The following KCNH1 variants were observed in gnomAD, a reference collection of about 807,000 sequenced individuals.
KCNH1 encodes voltage-gated delayed rectifier potassium channel KCNH1.
Under a neutral mutation model 69.2 loss-of-function variants are expected in KCNH1, and 27 were observed. The ratio of observed to expected loss-of-function variants is 0.39; its 90% CI spans 0.29 to 0.54. KCNH1 has a LOEUF of 0.54. Among genes scored for constraint, KCNH1 ranks in the 20% least tolerant of loss-of-function variants. The pLI is 0.68. For synonymous variants in KCNH1, 456 were observed against 487.7 expected (o/e 0.93, Z 0.86); for missense variants, 798 against 1,261.6 (o/e 0.63, Z 5.57).
At chr1:211,012,111 G>A (rs1034282705) in intron 6 of KCNH1, among the ~76,000 whole-genome samples, 1 of 152,202 alleles carries the variant, frequency 6.6e-6, no homozygotes, top group African/African-American at 2.4e-5. Context: ...TAATTGGATA[G>A]AAGAAATACT....
At chr1:210,710,483 A>G (rs1025901490) in intron 10 of KCNH1, among the ~76,000 whole-genome samples, 1 of 152,188 alleles carries the variant, frequency 6.6e-6, no homozygotes, top group Non-Finnish European at 1.5e-5. Context: ...TTTTATATAT[A>G]CATATATAAA....
At chr1:211,036,823 T>A (rs1211863564) in intron 5 of KCNH1, among the ~76,000 whole-genome samples, 1 of 152,134 alleles carries the variant, frequency 6.6e-6, no homozygotes, top group African/African-American at 2.4e-5. Flanking sequence ...TAGGAGAGGC[T>A]TGTGTCTGTC....
intron 5 of KCNH1, among the ~76,000 whole-genome samples, chr1:211,024,998 C>T (rs1689660130): frequency 6.6e-6 from 1 of 152,180 alleles, no homozygotes; most frequent in African/African-American, 2.4e-5. Flanking sequence ...TGTTCCACAT[C>T]ACGGTTACAT....
In KCNH1 at chr1:210,925,484, G is replaced by A. The variant is rs147002401; in HGVS notation, c.1033-5415C>T. Among the ~76,000 whole-genome samples, 322 of 152,330 alleles carry A rather than the reference G, an allele frequency of 2.1e-3. 1 individual carries two copies. Among genetic ancestry groups the A allele is most frequent in the African/African-American group, 7.5e-3 (311 of 41,576 alleles). ...GCTCACGGCCTCAGGCAGGTTCTTAGCCCTGGTCACCTGCTGCCTGGAAAT... is the reference window on the plus strand; with the variant it reads ...GCTCACGGCCTCAGGCAGGTTCTTAACCCTGGTCACCTGCTGCCTGGAAAT... On this transcript the variant is annotated intron_variant, in intron 6 of 10. Coordinates refer to ENST00000271751, the MANE Select transcript of KCNH1 (RefSeq NM_172362.3).
chr1:211,100,048 A>T (rs1691230940), intron 3 of KCNH1, among the ~76,000 whole-genome samples: 1 of 152,062 alleles, frequency 6.6e-6, no homozygotes, highest in East Asian at 1.9e-4. Context: ...TTTCTTTTTT[A>T]GAAGGATTTT....
At chr1:210,749,186 G>C (rs761354750) in intron 10 of KCNH1, among the ~76,000 whole-genome samples, 2 of 152,108 alleles carry the variant, frequency 1.3e-5, no homozygotes, top group Non-Finnish European at 2.9e-5. Context: ...ATCCTAATAA[G>C]AAAGTTCTTC....
chr1:210,919,791 T>C lies in KCNH1; in HGVS notation c.1311A>G (p.Ser437=), dbSNP rs569479235. 7.3e-4 allele frequency: 1,173 copies of C among 1,614,110 alleles called. 29 individuals are homozygous for C. In the South Asian group the frequency reaches 0.012, roughly 17 times the overall value. Residue 437 remains serine (S), a synonymous_variant, in exon 7 of 11, where the codon TCA becomes TCG. Transcript: ENST00000271751. The surrounding 1 kb of genome is among the most constrained non-coding windows in gnomAD (Gnocchi z 4.2). ...TGCTGGGACCACCTTCCCACTTCCC[T>C]GAGCCAGACCCATTAAACTGGTAAG... ...GTPYQFNGSG[S]GKWEGGPSKN... is the part of the protein sequence containing the mutation.
intron 2 of KCNH1, 90 bp from the exon 3 acceptor site, chr1:211,103,692 T>G (rs1691302844): frequency 1.3e-6 from 1 of 793,688 alleles, no homozygotes; most frequent in African/African-American, 1.7e-5. Context: ...TTCAGCACTG[T>G]GCTATGTACT....
intron 10 of KCNH1, among the ~76,000 whole-genome samples, chr1:210,685,961 A>G (rs1681400126): frequency 1.3e-5 from 2 of 152,188 alleles, no homozygotes; most frequent in Admixed American, 1.3e-4. Context: ...CTGACTTTAC[A>G]CTGAGGTCAC....
At chr1:211,048,675 G>A (rs1258069607) in intron 5 of KCNH1, among the ~76,000 whole-genome samples, 1 of 152,014 alleles carries the variant, frequency 6.6e-6, no homozygotes, top group Non-Finnish European at 1.5e-5. Context: ...ATGATACATT[G>A]GACTTTGGGG....
At chr1:210,715,140 A>G (rs544838206) in intron 10 of KCNH1, among the ~76,000 whole-genome samples, 2 of 152,342 alleles carry the variant, frequency 1.3e-5, no homozygotes, top group East Asian at 3.9e-4. Flanking sequence ...TTCTGGGAAT[A>G]GAAACCCCCA....
chr1:211,097,611 G>C (rs954966979), intron 3 of KCNH1, among the ~76,000 whole-genome samples: 1 of 152,326 alleles, frequency 6.6e-6, no homozygotes, highest in Admixed American at 6.5e-5. Flanking sequence ...TTGCCTGTTA[G>C]ATTTGGCTCT....
intron 9 of KCNH1, among the ~76,000 whole-genome samples, chr1:210,791,547 T>C (rs1162460578): frequency 6.6e-6 from 1 of 152,224 alleles, no homozygotes. Flanking sequence ...GCCCGTGCTA[T>C]ACTTTCCACT....
Position 210,683,925 on chromosome 1 carries a change from C to T in KCNH1, c.2326G>A (p.Ala776Thr). The T allele has an allele frequency of 6.2e-7, 1 of 1,612,476 alleles. No individual in the cohort carries two copies. Among genetic ancestry groups the T allele is most frequent in the East Asian group, 2.2e-5 (1 of 44,820 alleles). ...TTCACGAGGCTGTGGTTGGCGGAGG[C>T]ATGCTCTGTAAGGACATTGCCCTTC... ...VEKGNVLTEH[A>T]SANHSLVKAS... is the part of the protein sequence containing the mutation. Residue 776 changes from alanine to threonine, a missense_variant, in exon 11 of 11, where the codon GCC (alanine) becomes ACC (threonine). By Grantham distance (58) the Ala-to-Thr change is moderately conservative. This residue lies in a region of KCNH1 where 331 missense variants were observed against 363.2 expected (regional missense o/e 0.91). Coordinates refer to ENST00000271751, the MANE Select transcript of KCNH1 (RefSeq NM_172362.3). The surrounding 1 kb of genome is among the most constrained non-coding windows in gnomAD (Gnocchi z 5.7).
chr1:210,738,552 CTTTTTTT>C (rs57669878), intron 10 of KCNH1, among the ~76,000 whole-genome samples: 66 of 49,146 alleles, frequency 1.3e-3, no homozygotes, highest in African/African-American at 3.0e-3. Flanking sequence ...GGCTTTTTTG[CTTTTTTT>C]TTTTTTTTTT....
intron 7 of KCNH1, among the ~76,000 whole-genome samples, chr1:210,873,506 C>T (rs1558506290): frequency 6.6e-6 from 1 of 151,962 alleles, no homozygotes; most frequent in Non-Finnish European, 1.5e-5. Flanking sequence ...TGCCACTGTG[C>T]CCAGCTTATT....
intron 5 of KCNH1, among the ~76,000 whole-genome samples, chr1:211,078,501 C>T (rs1022135619): frequency 6.6e-6 from 1 of 152,278 alleles, no homozygotes; most frequent in African/African-American, 2.4e-5. Flanking sequence ...AACTGAACAA[C>T]CTGCTCCTGA....
chr1:210,996,736 G>A (rs1253252386), intron 6 of KCNH1, among the ~76,000 whole-genome samples: 1 of 152,244 alleles, frequency 6.6e-6, no homozygotes, highest in Non-Finnish European at 1.5e-5. Flanking sequence ...GCACCCCCCA[G>A]TAGGGGCAGA....
intron 6 of KCNH1, among the ~76,000 whole-genome samples, chr1:211,017,503 G>A (rs1380738186): frequency 6.6e-6 from 1 of 152,166 alleles, no homozygotes; most frequent in Non-Finnish European, 1.5e-5. Flanking sequence ...TGAGGGCCCA[G>A]CTGAACAAGG....
Sources: allele counts gnomAD v4.1 joint callset (sites outside exome capture counted in the v4.1 genomes callset), GRCh38; gene constraint gnomAD v4.1.1; regional missense constraint gnomAD v4.1.1; non-coding constraint Gnocchi (gnomAD v3.1); transcripts MANE v1.5; gene names NCBI Gene and HGNC (gene_info 2026-07-23, HGNC 2026-07-21).